CASK: variants seen among roughly 807,000 people sequenced by gnomAD.
CASK encodes peripheral plasma membrane protein CASK.
In CASK, 4 loss-of-function variants were observed where a neutral mutation model predicts 82.9. The ratio of observed to expected loss-of-function variants is 0.05; its 90% CI spans 0.02 to 0.11. The LOEUF (loss-of-function observed/expected upper bound fraction) is 0.11, where lower values mean the gene tolerates loss of function less well. CASK is among the 10% of genes least tolerant of loss of function. The pLI is 1.00. For missense variants in CASK, 358 were observed against 720.9 expected (o/e 0.50, Z 5.76); for synonymous variants, 259 against 253.5 (o/e 1.02, Z -0.20).
intron 1 of CASK, among the ~76,000 whole-genome samples, chrX:41,918,314 T>G (rs1264488559): frequency 8.9e-6 from 1 of 112,459 alleles, no homozygotes; most frequent in East Asian, 2.8e-4. Flanking sequence ...TTACGTATTA[T>G]TAATCCAGTA....
At chrX:41,880,057 T>C (rs1326162016) in intron 1 of CASK, among the ~76,000 whole-genome samples, 1 of 112,186 alleles carries the variant, frequency 8.9e-6, no homozygotes, top group East Asian at 2.8e-4. Flanking sequence ...GTAAGCTCTA[T>C]GTACTTCTAC....
intron 1 of CASK, among the ~76,000 whole-genome samples, chrX:41,854,225 C>T (rs2071327814): frequency 2.9e-5 from 1 of 34,906 alleles, no homozygotes; most frequent in Non-Finnish European, 5.2e-5. Flanking sequence ...CGGGCGCGCG[C>T]ACACACACAC....
chrX:41,697,164 A>G (rs1232943619), intron 5 of CASK: 1 of 134,181 alleles, frequency 7.5e-6, no homozygotes, highest in Admixed American at 9.1e-5. Flanking sequence ...GTCAGAAAAT[A>G]TATGTTCATT....
At chrX:41,920,112 T>G (rs1288662955) in intron 1 of CASK, among the ~76,000 whole-genome samples, 1 of 111,801 alleles carries the variant, frequency 8.9e-6, no homozygotes, top group African/African-American at 3.3e-5. Context: ...TCTTGAAAAG[T>G]GAAATCTATT....
intron 3 of CASK, among the ~76,000 whole-genome samples, chrX:41,755,771 G>C: frequency 8.9e-6 from 1 of 112,128 alleles, no homozygotes; most frequent in Middle Eastern, 4.6e-3. Flanking sequence ...CAAAATCATT[G>C]TAAGTTATAT....
chrX:41,615,174 A>C (rs2066172306), intron 11 of CASK, among the ~76,000 whole-genome samples: 1 of 111,746 alleles, frequency 8.9e-6, no homozygotes, highest in South Asian at 3.7e-4. Flanking sequence ...CATTAAGTGG[A>C]TATTAAGTGG....
chrX:41,907,183 G>A (rs1236275378), intron 1 of CASK, among the ~76,000 whole-genome samples: 1 of 112,227 alleles, frequency 8.9e-6, no homozygotes, highest in East Asian at 2.8e-4. Context: ...AATAAATCAG[G>A]AACCAAACAA....
intron 25 of CASK, among the ~76,000 whole-genome samples, chrX:41,524,947 CACTT>C (rs1172465223): frequency 9.0e-6 from 1 of 111,669 alleles, no homozygotes; most frequent in African/African-American, 3.3e-5. Flanking sequence ...ATCTTGCTGT[CACTT>C]ACACAAGAAT....
At chrX:41,699,188 G>A (rs1177114260) in intron 5 of CASK, among the ~76,000 whole-genome samples, 1 of 111,633 alleles carries the variant, frequency 9.0e-6, no homozygotes, top group East Asian at 2.8e-4. Context: ...GCCTCCCAAA[G>A]TGCTGGGATT....
intron 11 of CASK, among the ~76,000 whole-genome samples, chrX:41,611,902 T>C (rs2066061655): frequency 1.8e-5 from 2 of 111,682 alleles, no homozygotes; most frequent in South Asian, 3.8e-4. Flanking sequence ...GGTTTCGCTG[T>C]GTTGGCCGGG....
intron 12 of CASK, among the ~76,000 whole-genome samples, chrX:41,600,207 G>A (rs933671231): frequency 2.7e-5 from 3 of 112,001 alleles, no homozygotes; most frequent in Admixed American, 9.5e-5. Context: ...TAAACACCAA[G>A]CATTTGTACT....
At chrX:41,888,491 A>T (rs1322987986) in intron 1 of CASK, among the ~76,000 whole-genome samples, 1 of 108,976 alleles carries the variant, frequency 9.2e-6, no homozygotes, top group African/African-American at 3.3e-5. Flanking sequence ...CTTAGCTCCC[A>T]CTTATGAGAA....
rs761347256 is a variant in CASK, at chrX:41,576,122, C to A, written c.1503+2218G>T. 6.5e-3 allele frequency among the ~76,000 whole-genome samples: 715 copies of A among 109,565 alleles called. 4 individuals are homozygous for A. The highest frequency in any genetic ancestry group is 0.023 in the African/African-American group (680 of 30,170). On this transcript the variant is annotated intron_variant, in intron 15 of 26. Transcript: ENST00000378163. Reference sequence around the variant, plus strand: ...CCTGAGTAGCTAGGATTACAGGCACCCACCACCACACCTGGCTAATTTTTG... The same window carrying A: ...CCTGAGTAGCTAGGATTACAGGCACACACCACCACACCTGGCTAATTTTTG...
intron 12 of CASK, among the ~76,000 whole-genome samples, chrX:41,602,652 T>C (rs2065908413): frequency 9.1e-6 from 1 of 109,927 alleles, no homozygotes; most frequent in Non-Finnish European, 1.9e-5. Flanking sequence ...GAGTGGACAA[T>C]CCTCATCTTG....
At chrX:41,524,116 T>G in intron 25 of CASK, 82 bp from the exon 26 acceptor site, 1 of 750,494 alleles carries the variant, frequency 1.3e-6, no homozygotes, top group Non-Finnish European at 2.0e-6. Context: ...ATAAAAATTT[T>G]TATACAACTG....
chrX:41,884,775 T>C (rs1358034908), intron 1 of CASK, among the ~76,000 whole-genome samples: 1 of 111,429 alleles, frequency 9.0e-6, no homozygotes, highest in Non-Finnish European at 1.9e-5. Context: ...ATGGGATGAC[T>C]GGAGCCTCAG....
At chrX:41,919,817 C>T (rs1174940443) in intron 1 of CASK, among the ~76,000 whole-genome samples, 1 of 112,327 alleles carries the variant, frequency 8.9e-6, no homozygotes, top group Non-Finnish European at 1.9e-5. Context: ...AAACGGCATC[C>T]TTCCAATATT....
intron 5 of CASK, chrX:41,695,563 T>C: frequency 1.4e-6 from 1 of 713,366 alleles, no homozygotes; most frequent in Non-Finnish European, 2.1e-6. Context: ...AGGAAAAATC[T>C]GAAGACATAA....
At chrX:41,666,196 C>T (rs1054326573) in intron 6 of CASK, among the ~76,000 whole-genome samples, 2 of 112,176 alleles carry the variant, frequency 1.8e-5, no homozygotes, top group African/African-American at 6.5e-5. Context: ...TCCTCTTTGA[C>T]TTTCATCTTC....
Sources: gnomAD v4.1 joint callset for allele counts (sites outside exome capture counted in the v4.1 genomes callset) on GRCh38, gnomAD v4.1.1 for gene constraint, MANE v1.5 for transcripts, NCBI Gene and HGNC (gene_info 2026-07-23, HGNC 2026-07-21) for gene names.